TENM2: variants seen among roughly 807,000 people sequenced by gnomAD.
The protein encoded by TENM2 is teneurin-2.
In TENM2, 52 loss-of-function variants were observed where a neutral mutation model predicts 245.2. That is an observed-to-expected ratio of 0.21 (90% CI 0.17 to 0.27). The LOEUF (loss-of-function observed/expected upper bound fraction) is 0.27, where lower values mean the gene tolerates loss of function less well. Among genes scored for constraint, TENM2 ranks in the 10% least tolerant of loss-of-function variants. TENM2 has a pLI of 1.00. For synonymous variants in TENM2, 1,363 were observed against 1,438.9 expected, an observed-to-expected ratio of 0.95 and a Z score of 1.19; for missense variants, 3,046 against 3,666.8, an observed-to-expected ratio of 0.83 and a Z score of 4.37.
chr5:167,228,685 G>C, the TENM2 span, among the ~76,000 whole-genome samples: 5 of 151,288 alleles, frequency 3.3e-5, no homozygotes, highest in Non-Finnish European at 5.9e-5. Flanking sequence ...CTGGACGTCT[G>C]GTGTAACAGT....
intron 2 of TENM2, among the ~76,000 whole-genome samples, chr5:167,450,508 A>G (rs1057122759): frequency 6.6e-6 from 1 of 152,184 alleles, no homozygotes; most frequent in Non-Finnish European, 1.5e-5. Context: ...ATGCTCAGTA[A>G]ATATTTCTTG....
chr5:167,998,299 G>T (rs1350243776), intron 5 of TENM2, among the ~76,000 whole-genome samples: 2 of 152,210 alleles, frequency 1.3e-5, no homozygotes, highest in African/African-American at 4.8e-5. Context: ...TTTTCCAACA[G>T]ATTGTAATGA....
intron 1 of TENM2, among the ~76,000 whole-genome samples, chr5:167,300,994 G>A (rs1755277522): frequency 6.6e-6 from 1 of 152,158 alleles, no homozygotes; most frequent in Admixed American, 6.5e-5. Context: ...AACAGTTATG[G>A]AGGCAAGGGA....
intron 2 of TENM2, among the ~76,000 whole-genome samples, chr5:167,545,552 A>G (rs886320134): frequency 1.3e-5 from 2 of 152,212 alleles, no homozygotes; most frequent in Non-Finnish European, 1.5e-5. Context: ...TAATTTTTAC[A>G]TCTTCAAACA....
At chr5:167,408,000 A>G (rs1288292472) in intron 2 of TENM2, among the ~76,000 whole-genome samples, 4 of 152,186 alleles carry the variant, frequency 2.6e-5, no homozygotes, top group Admixed American at 6.6e-5. Context: ...TTGGAAGTTC[A>G]TACAATGAAT....
intron 2 of TENM2, among the ~76,000 whole-genome samples, chr5:167,820,355 T>C (rs761736607): frequency 4.6e-5 from 7 of 152,212 alleles, no homozygotes; most frequent in Non-Finnish European, 1.5e-5. Context: ...TAATGTAGCG[T>C]ACCTCGCTTT....
chr5:168,233,323 C>G (rs189536664), intron 25 of TENM2, among the ~76,000 whole-genome samples: 425 of 151,656 alleles, frequency 2.8e-3, no homozygotes, highest in Admixed American at 6.4e-3. Flanking sequence ...AGACTCCCAT[C>G]TCAAAAAAAA....
At chr5:167,817,371 A>G (rs1767140419) in intron 2 of TENM2, among the ~76,000 whole-genome samples, 1 of 152,316 alleles carries the variant, frequency 6.6e-6, no homozygotes, top group African/African-American at 2.4e-5. Context: ...AAAGGGTGCA[A>G]TTATCTATTT....
chr5:167,154,295 C>T, the TENM2 span, among the ~76,000 whole-genome samples: 2 of 152,172 alleles, frequency 1.3e-5, no homozygotes, highest in East Asian at 1.9e-4. Context: ...AAGCATTTTT[C>T]ATGGGCTGAA....
chr5:167,010,529 T>G, the TENM2 span, among the ~76,000 whole-genome samples: 2 of 152,226 alleles, frequency 1.3e-5, no homozygotes, highest in Admixed American at 6.5e-5. Flanking sequence ...ATTTGGAGTG[T>G]TGAATTTGGC....
At chr5:167,184,087 A>G in the TENM2 span, among the ~76,000 whole-genome samples, 1 of 152,238 alleles carries the variant, frequency 6.6e-6, no homozygotes, top group African/African-American at 2.4e-5. Context: ...CACTCAAAAG[A>G]ACAGATTACT....
At chr5:167,825,795 C>T (rs1300594886) in intron 2 of TENM2, among the ~76,000 whole-genome samples, 2 of 151,162 alleles carry the variant, frequency 1.3e-5, no homozygotes, top group African/African-American at 2.4e-5. Context: ...GCTCTCAGTG[C>T]GCTCATTTAT....
intron 13 of TENM2, among the ~76,000 whole-genome samples, chr5:168,179,349 C>G (rs976609155): frequency 6.6e-6 from 1 of 152,148 alleles, no homozygotes; most frequent in African/African-American, 2.4e-5. Context: ...AAGCACAGCA[C>G]AGGCTGAGCA....
chr5:167,225,650 G>T, the TENM2 span, among the ~76,000 whole-genome samples: 3 of 151,876 alleles, frequency 2.0e-5, no homozygotes, highest in African/African-American at 4.8e-5. Context: ...TTCTTGTCTG[G>T]GTTTGGTATC....
At chr5:167,838,162 T>C (rs1769175912) in intron 2 of TENM2, among the ~76,000 whole-genome samples, 1 of 152,252 alleles carries the variant, frequency 6.6e-6, no homozygotes, top group African/African-American at 2.4e-5. Context: ...ATCTGATGCT[T>C]GGTGATACAA....
chr5:167,706,501 G>T (rs2150464578), intron 2 of TENM2, among the ~76,000 whole-genome samples: 1 of 151,408 alleles, frequency 6.6e-6, no homozygotes, highest in South Asian at 2.1e-4. Context: ...ATCTGTCGTG[G>T]ACATTTAAGT....
At chr5:167,139,999 G>A in the TENM2 span, among the ~76,000 whole-genome samples, 7 of 152,092 alleles carry the variant, frequency 4.6e-5, no homozygotes, top group South Asian at 1.5e-3. Flanking sequence ...TTTCCTTTTT[G>A]CAGATGATGA....
intron 25 of TENM2, among the ~76,000 whole-genome samples, chr5:168,232,813 G>C (rs1002811070): frequency 1.3e-5 from 2 of 152,188 alleles, no homozygotes; most frequent in Admixed American, 6.5e-5. Flanking sequence ...TTACAGCCTG[G>C]GGAAATGTAA....
intron 23 of TENM2, among the ~76,000 whole-genome samples, chr5:168,222,286 G>A (rs2152569983): frequency 6.6e-6 from 1 of 152,338 alleles, no homozygotes; most frequent in East Asian, 1.9e-4. Context: ...TGCAGGAGCA[G>A]AGTCTGCCTT....
Sources: gnomAD v4.1 joint callset for allele counts (sites outside exome capture counted in the v4.1 genomes callset) on GRCh38, gnomAD v4.1.1 for gene constraint, MANE v1.5 for transcripts, NCBI Gene and HGNC (gene_info 2026-07-23, HGNC 2026-07-21) for gene names.